Variants in GTF2F2 observed in about 807,000 individuals in gnomAD.
GTF2F2 encodes the protein ATP-dependent helicase GTF2F2.
GTF2F2 carries 23 observed loss-of-function variants against 42.2 expected under a neutral mutation model. The observed-to-expected ratio is 0.55, with a 90% CI of 0.39 to 0.77. The LOEUF (loss-of-function observed/expected upper bound fraction) is 0.77. Among genes scored for constraint, GTF2F2 ranks in the 30% least tolerant of loss-of-function variants. The pLI is 0.00. For synonymous variants in GTF2F2, 105 were observed against 100.8 expected (o/e 1.04, Z -0.25); for missense variants, 261 against 287.2 (o/e 0.91, Z 0.66).
chr13:45,132,471 G>A (rs568350826), intron 1 of GTF2F2, among the ~76,000 whole-genome samples: 1 of 151,690 alleles, frequency 6.6e-6, no homozygotes, highest in Admixed American at 6.6e-5. Flanking sequence ...TGCCACATCG[G>A]CCTCTTCAAT....
At chr13:45,254,619 A>G (rs546381466) in intron 6 of GTF2F2, among the ~76,000 whole-genome samples, 12 of 152,304 alleles carry the variant, frequency 7.9e-5, no homozygotes, top group African/African-American at 2.9e-4. Flanking sequence ...TTATCAGTCC[A>G]GGTGTTGAAC....
In GTF2F2 at chr13:45,261,425, C is replaced by CAAA. The variant is rs976923932; in HGVS notation, c.487-5791_487-5789dup. Among the ~76,000 whole-genome samples the CAAA allele has an allele frequency of 3.3e-3, 194 of 58,820 alleles. 6 individuals are homozygous for CAAA. The East Asian group carries it at 0.039, about 12-fold the overall frequency. 38.6% of individuals were successfully genotyped at this position (58,820 alleles called of 152,430 possible). On this transcript the variant is annotated intron_variant, in intron 6 of 7. Coordinates refer to ENST00000340473, the MANE Select transcript of GTF2F2 (RefSeq NM_004128.3). ...TGGGGGACAGAGCAAGACTCCATCT[C>CAAA]AAAAAAAAAAAAAAAAAAAGAATAA...
At chr13:45,144,001 T>C (rs949797910) in intron 2 of GTF2F2, among the ~76,000 whole-genome samples, 2 of 152,140 alleles carry the variant, frequency 1.3e-5, no homozygotes, top group Non-Finnish European at 2.9e-5. Flanking sequence ...CCTGTAATCC[T>C]AACACTTTGG....
At chr13:45,245,688 T>TAC (rs1232682060) in intron 5 of GTF2F2, among the ~76,000 whole-genome samples, 1 of 69,870 alleles carries the variant, frequency 1.4e-5, no homozygotes, top group African/African-American at 1.5e-4. Context: ...TATATATATA[T>TAC]ATATATATAT....
chr13:45,187,668 C>T (rs1015660455), intron 4 of GTF2F2, among the ~76,000 whole-genome samples: 12 of 152,140 alleles, frequency 7.9e-5, no homozygotes, highest in Admixed American at 1.3e-4. Flanking sequence ...ATGATTAGGA[C>T]GATAAGTCGG....
intron 4 of GTF2F2, among the ~76,000 whole-genome samples, chr13:45,158,214 C>T (rs578051854): frequency 2.6e-5 from 4 of 152,268 alleles, no homozygotes; most frequent in African/African-American, 9.6e-5. Context: ...GGCAGCTTCC[C>T]CCATACTGTT....
intron 4 of GTF2F2, 200 bp from the exon 5 acceptor site, chr13:45,207,224 G>C: frequency 2.0e-6 from 1 of 488,016 alleles, no homozygotes; most frequent in Non-Finnish European, 3.7e-6. Flanking sequence ...AAACAAATCT[G>C]ACAGGAGCCC....
In GTF2F2 at chr13:45,185,319, G is replaced by C. The variant is rs535887230; in HGVS notation, c.305-22105G>C. ...GGGAAATATAACTGGGAACCAAAAT[G>C]TATTTTAATATAGCCTGCTTCCACT... On this transcript the variant is annotated intron_variant, in intron 4 of 7. Transcript: ENST00000340473. Among the ~76,000 whole-genome samples, 18 of 152,234 alleles carry C rather than the reference G, an allele frequency of 1.2e-4. No homozygotes were observed. In the South Asian group the frequency reaches 3.5e-3, roughly 30 times the overall value.
chr13:45,126,245 CTTTTTTTT>C (rs11383296), intron 1 of GTF2F2, among the ~76,000 whole-genome samples: 4 of 100,642 alleles, frequency 4.0e-5, no homozygotes, highest in South Asian at 6.2e-4. Flanking sequence ...GGAAGAACGA[CTTTTTTTT>C]TTTTTTTTTT....
intron 7 of GTF2F2, among the ~76,000 whole-genome samples, chr13:45,271,021 G>A (rs1383712404): frequency 1.3e-5 from 2 of 152,160 alleles, no homozygotes; most frequent in African/African-American, 4.8e-5. Flanking sequence ...GGCCGGGCGC[G>A]GTGGCTCATG....
At chr13:45,167,716 GT>G (rs1411915736) in intron 4 of GTF2F2, among the ~76,000 whole-genome samples, 3 of 151,844 alleles carry the variant, frequency 2.0e-5, no homozygotes, top group Non-Finnish European at 2.9e-5. Context: ...TGATTTTTGT[GT>G]TTTAAGTAGC....
chr13:45,136,698 TA>T, intron 1 of GTF2F2, 34 bp from the exon 2 acceptor site: 1 of 1,107,604 alleles, frequency 9.0e-7, no homozygotes, highest in Non-Finnish European at 1.4e-6. Context: ...TGTTAGCATC[TA>T]AAATAGACTT....
At chr13:45,277,849 G>A (rs938436407) in intron 7 of GTF2F2, among the ~76,000 whole-genome samples, 2 of 152,156 alleles carry the variant, frequency 1.3e-5, no homozygotes, top group African/African-American at 4.8e-5. Flanking sequence ...GCATTAATCA[G>A]TGCCATCATC....
At chr13:45,154,872 A>G (rs1215805745) in intron 4 of GTF2F2, among the ~76,000 whole-genome samples, 1 of 152,208 alleles carries the variant, frequency 6.6e-6, no homozygotes, top group East Asian at 1.9e-4. Context: ...TTCAGCCAGT[A>G]GGGATTTTTA....
At chr13:45,216,706 A>G (rs1187723997) in intron 5 of GTF2F2, among the ~76,000 whole-genome samples, 1 of 151,736 alleles carries the variant, frequency 6.6e-6, no homozygotes, top group African/African-American at 2.4e-5. Context: ...TTTAGTGGGG[A>G]CAGGATTGCT....
At chr13:45,213,605 G>T (rs1173515521) in intron 5 of GTF2F2, among the ~76,000 whole-genome samples, 1 of 152,008 alleles carries the variant, frequency 6.6e-6, no homozygotes, top group Non-Finnish European at 1.5e-5. Context: ...CTTCATGAGA[G>T]CAGAGACTAT....
At chr13:45,249,007 G>A (rs1305168979) in intron 5 of GTF2F2, among the ~76,000 whole-genome samples, 2 of 152,006 alleles carry the variant, frequency 1.3e-5, no homozygotes, top group Non-Finnish European at 2.9e-5. Flanking sequence ...GGTGCTTTAC[G>A]AACCACATAT....
chr13:45,233,723 G>C (rs1012836212), intron 5 of GTF2F2, among the ~76,000 whole-genome samples: 2 of 152,172 alleles, frequency 1.3e-5, no homozygotes, highest in African/African-American at 4.8e-5. Flanking sequence ...AGGCCAGCCT[G>C]GGCAACATGG....
At chr13:45,245,616 A>G (rs1397150447) in intron 5 of GTF2F2, among the ~76,000 whole-genome samples, 6 of 148,880 alleles carry the variant, frequency 4.0e-5, no homozygotes, top group African/African-American at 1.5e-4. Flanking sequence ...GGTTGCTGCA[A>G]GTGCCATTAT....
Sources: allele counts gnomAD v4.1 joint callset (sites outside exome capture counted in the v4.1 genomes callset), GRCh38; gene constraint gnomAD v4.1.1; transcripts MANE v1.5; gene names NCBI Gene and HGNC (gene_info 2026-07-23, HGNC 2026-07-21).